The following SGMS2 variants were observed in gnomAD, a reference collection of about 807,000 sequenced individuals.
The protein encoded by SGMS2 is sphingomyelin synthase 2.
Under a neutral mutation model 43.8 loss-of-function variants are expected in SGMS2, and 21 were observed. That is an observed-to-expected ratio of 0.48 (90% CI 0.34 to 0.69). The LOEUF (loss-of-function observed/expected upper bound fraction) is 0.69, where lower values mean the gene tolerates loss of function less well. Ranked by LOEUF, SGMS2 falls within the 30% of genes least tolerant of loss-of-function variation. The pLI is 0.01. For missense variants in SGMS2, 384 were observed against 443.2 expected (o/e 0.87, Z 1.20); for synonymous variants, 167 against 160.6 (o/e 1.04, Z -0.30).
intron 1 of SGMS2, among the ~76,000 whole-genome samples, chr4:107,854,286 C>G (rs1727304284): frequency 6.6e-6 from 1 of 152,174 alleles, no homozygotes; most frequent in Admixed American, 6.5e-5. Context: ...CTAAGGTTTG[C>G]ACCGTATAAC....
At chr4:107,851,173 T>G (rs1727120743) in intron 1 of SGMS2, among the ~76,000 whole-genome samples, 1 of 152,202 alleles carries the variant, frequency 6.6e-6, no homozygotes, top group South Asian at 2.1e-4. Flanking sequence ...GAAGGAATAT[T>G]GGAAGCCTGC....
chr4:107,835,262 T>C (rs1248939235), intron 1 of SGMS2, among the ~76,000 whole-genome samples: 1 of 152,132 alleles, frequency 6.6e-6, no homozygotes, highest in Admixed American at 6.5e-5. Flanking sequence ...CTGCAGTTTC[T>C]AGGGGGAAGA....
chr4:107,834,337 T>C (rs1346908778), intron 1 of SGMS2, among the ~76,000 whole-genome samples: 1 of 152,226 alleles, frequency 6.6e-6, no homozygotes, highest in Non-Finnish European at 1.5e-5. Flanking sequence ...TAACAATTAT[T>C]TAAAATGACA....
chr4:107,859,446 C>G (rs938622221), intron 2 of SGMS2, among the ~76,000 whole-genome samples: 6 of 152,102 alleles, frequency 3.9e-5, no homozygotes, highest in Non-Finnish European at 8.8e-5. Flanking sequence ...CACAATAATT[C>G]TAGGAATGTT....
chr4:107,896,217 G>A (rs1305753847), intron 3 of SGMS2, among the ~76,000 whole-genome samples: 1 of 152,146 alleles, frequency 6.6e-6, no homozygotes, highest in Non-Finnish European at 1.5e-5. Context: ...TATGAAAGTG[G>A]CAGTGTACAG....
chr4:107,859,181 GT>G (rs1214138358), intron 2 of SGMS2, among the ~76,000 whole-genome samples: 1 of 151,994 alleles, frequency 6.6e-6, no homozygotes, highest in Admixed American at 6.6e-5. Flanking sequence ...GCATTTTTTA[GT>G]GCAAAAGAGT....
At chr4:107,874,187 A>G (rs1240398417) in intron 2 of SGMS2, 1 of 152,196 alleles carries the variant, frequency 6.6e-6, no homozygotes, top group Non-Finnish European at 1.5e-5. Flanking sequence ...TTAATGGTGT[A>G]CAAATAGACA....
intron 1 of SGMS2, among the ~76,000 whole-genome samples, chr4:107,843,365 T>C (rs1726629337): frequency 6.6e-6 from 1 of 152,260 alleles, no homozygotes; most frequent in Admixed American, 6.5e-5. Context: ...ATTGTGACTT[T>C]AAACTTATCC....
intron 4 of SGMS2, 112 bp downstream of exon 4, chr4:107,899,804 C>G (rs1730969829): frequency 1.8e-6 from 1 of 560,166 alleles, no homozygotes; most frequent in East Asian, 3.1e-5. Context: ...TGAAATCTAG[C>G]ATCTTTTCTA....
intron 2 of SGMS2, among the ~76,000 whole-genome samples, chr4:107,879,707 C>T (rs1406530650): frequency 3.3e-5 from 5 of 152,150 alleles, no homozygotes; most frequent in Non-Finnish European, 7.3e-5. Flanking sequence ...AGTGATCCAC[C>T]TGCCTCAGCT....
intron 1 of SGMS2, among the ~76,000 whole-genome samples, chr4:107,849,684 G>C (rs1727030065): frequency 6.6e-6 from 1 of 152,052 alleles, no homozygotes; most frequent in African/African-American, 2.4e-5. Context: ...CAATATCAGA[G>C]TCCAGATTAA....
chr4:107,887,148 A>AG (rs770767678), intron 2 of SGMS2, among the ~76,000 whole-genome samples: 1 of 152,222 alleles, frequency 6.6e-6, no homozygotes, highest in Non-Finnish European at 1.5e-5. Flanking sequence ...TGAACATTTC[A>AG]GCTCTCCATG....
At chr4:107,834,678 T>C (rs1323274225) in intron 1 of SGMS2, among the ~76,000 whole-genome samples, 1 of 152,214 alleles carries the variant, frequency 6.6e-6, no homozygotes, top group African/African-American at 2.4e-5. Context: ...ATTGTAAGTA[T>C]GTAAAGGGCT....
intron 5 of SGMS2, among the ~76,000 whole-genome samples, chr4:107,905,918 T>G (rs1439909554): frequency 6.6e-6 from 1 of 152,216 alleles, no homozygotes; most frequent in Non-Finnish European, 1.5e-5. Context: ...TCTAAAATTG[T>G]GTACATTTAT....
At position 107,914,267 on chromosome 4, in the gene SGMS2, T is replaced by C. The variant is rs2126176781; in HGVS notation, c.*3714T>C. The C allele has an allele frequency of 6.6e-6, 1 of 152,276 alleles. No homozygotes were observed. The highest frequency in any genetic ancestry group is 2.1e-4 in the South Asian group (1 of 4,830). The allele number at this position is 152,276 out of a possible 1,614,324, so 9.4% of individuals were successfully genotyped here. On this transcript the variant is annotated 3_prime_UTR_variant, in exon 7 of 7. Coordinates refer to ENST00000690982, the MANE Select transcript of SGMS2 (RefSeq NM_001375905.1). ...GATACACACCTTATAAGTTCTGATTTATTTTCTTACTCATTATGCTGTGTT... is the reference window on the plus strand; with the variant it reads ...GATACACACCTTATAAGTTCTGATTCATTTTCTTACTCATTATGCTGTGTT...
At chr4:107,874,648 T>C (rs1304381932) in intron 2 of SGMS2, among the ~76,000 whole-genome samples, 2 of 152,198 alleles carry the variant, frequency 1.3e-5, no homozygotes, top group African/African-American at 4.8e-5. Flanking sequence ...TTTGGAAATT[T>C]ACATTTTATG....
chr4:107,899,466 G>T, intron 3 of SGMS2, 109 bp from the exon 4 acceptor site: 5 of 689,918 alleles, frequency 7.2e-6, no homozygotes, highest in South Asian at 6.8e-5. Flanking sequence ...GTTTGTTAAT[G>T]CCATTCTGTA....
intron 1 of SGMS2, among the ~76,000 whole-genome samples, chr4:107,847,381 C>T (rs1211701634): frequency 1.3e-5 from 2 of 152,194 alleles, no homozygotes; most frequent in East Asian, 1.9e-4. Flanking sequence ...ATCCTTTCCC[C>T]ATTGCTTGTT....
Position 107,911,537 on chromosome 4 carries a change from T to C in SGMS2, c.*984T>C, listed in dbSNP as rs1281080215. On this transcript the variant is annotated 3_prime_UTR_variant, in exon 7 of 7. Coordinates refer to ENST00000690982, the MANE Select transcript of SGMS2 (RefSeq NM_001375905.1). ...CAGAAATGTATTTGGTCAAATTTCA[T>C]TGAAGGTGATTTCTTCCTTTTTCTG... 1 of 152,212 alleles carries C rather than the reference T, an allele frequency of 6.6e-6. No homozygotes were observed. The highest frequency in any genetic ancestry group is 6.5e-5 in the Admixed American group (1 of 15,282). The allele number at this position is 152,212 out of a possible 1,614,324, so 9.4% of individuals were successfully genotyped here.
Sources: allele counts gnomAD v4.1 joint callset (sites outside exome capture counted in the v4.1 genomes callset), GRCh38; gene constraint gnomAD v4.1.1; transcripts MANE v1.5; gene names NCBI Gene and HGNC (gene_info 2026-07-23, HGNC 2026-07-21).